SPAG9: variants seen among roughly 807,000 people sequenced by gnomAD.
SPAG9 encodes the protein C-Jun-amino-terminal kinase-interacting protein 4.
In SPAG9, 35 loss-of-function variants were observed where a neutral mutation model predicts 166.5. The observed-to-expected ratio is 0.21, with a 90% CI of 0.16 to 0.28. The LOEUF is 0.28. Ranked by LOEUF, SPAG9 falls within the 10% of genes least tolerant of loss-of-function variation. The pLI is 1.00. For missense variants in SPAG9, 1,235 were observed against 1,603.3 expected, an observed-to-expected ratio of 0.77 and a Z score of 3.92; for synonymous variants, 534 against 565.5, an observed-to-expected ratio of 0.94 and a Z score of 0.79.
At chr17:51,073,961 G>A (rs974182204) in intron 2 of SPAG9, among the ~76,000 whole-genome samples, 8 of 152,192 alleles carry the variant, frequency 5.3e-5, no homozygotes, top group Non-Finnish European at 1.0e-4. Context: ...ATTAGGCCGG[G>A]CGTGGTGGCT....
At chr17:51,053,647 TG>T (rs1347832026) in intron 3 of SPAG9, among the ~76,000 whole-genome samples, 6 of 150,414 alleles carry the variant, frequency 4.0e-5, no homozygotes, top group African/African-American at 1.2e-4. Context: ...ATCAAGCCAC[TG>T]CACTCCAGCC....
At chr17:51,029,658 GTC>G (rs1218005842) in intron 6 of SPAG9, among the ~76,000 whole-genome samples, 1 of 152,178 alleles carries the variant, frequency 6.6e-6, no homozygotes, top group Non-Finnish European at 1.5e-5. Flanking sequence ...AAATAAGCCA[GTC>G]TCAAAAAGAC....
Position 50,999,652 on chromosome 17 carries a change from A to T in SPAG9, c.1664+9T>A. ...GTGCTGTCTAACATCTTTGTTTTTC[A>T]ATACTTACAACTGCCAAATGCTTGA... On this transcript the variant is annotated intron_variant, in intron 14 of 29. Coordinates refer to ENST00000262013, the MANE Select transcript of SPAG9 (RefSeq NM_001130528.3). 1.9e-6 allele frequency: 3 copies of T among 1,609,454 alleles called. No homozygotes were observed. In the South Asian group the frequency reaches 3.3e-5, roughly 18 times the overall value.
intron 10 of SPAG9, 136 bp downstream of exon 10, chr17:51,007,133 G>GTGTGTGTGTGTGTT: frequency 1.9e-6 from 1 of 533,154 alleles, no homozygotes; most frequent in Non-Finnish European, 3.3e-6. Context: ...GTGTGTGTGT[G>GTGTGTGTGTGTGTT]TGTGTGCACA....
intron 18 of SPAG9, among the ~76,000 whole-genome samples, chr17:50,994,558 C>G: frequency 6.6e-6 from 1 of 152,148 alleles, no homozygotes; most frequent in East Asian, 1.9e-4. Context: ...TGAGACTAGC[C>G]TGGTCAACAC....
intron 1 of SPAG9, among the ~76,000 whole-genome samples, chr17:51,116,712 TG>T (rs1247785264): frequency 6.6e-6 from 1 of 152,180 alleles, no homozygotes; most frequent in Non-Finnish European, 1.5e-5. Flanking sequence ...TGCAGTGAAC[TG>T]TGACTGTGCC....
intron 4 of SPAG9, chr17:51,046,361 A>T (rs2047020941): frequency 1.6e-6 from 1 of 630,398 alleles, no homozygotes; most frequent in Admixed American, 2.9e-5. Flanking sequence ...AATTACTATA[A>T]ATTAGAATCA....
intron 3 of SPAG9, among the ~76,000 whole-genome samples, chr17:51,054,116 CTT>C (rs1157639358): frequency 9.2e-4 from 68 of 73,956 alleles, no homozygotes; most frequent in Admixed American, 1.7e-3. Flanking sequence ...AATGTGAGGG[CTT>C]TTTTTTTTTT....
rs113889197 is a variant in SPAG9, at chr17:51,006,470, GAGA to G, written c.1272-236_1272-234del. Among the ~76,000 whole-genome samples the G allele has an allele frequency of 5.6e-3, 851 of 152,278 alleles. 4 individuals carry two copies. The highest frequency in any genetic ancestry group is 0.019 in the African/African-American group (784 of 41,546). On this transcript the variant is annotated intron_variant, in intron 10 of 29. Coordinates refer to ENST00000262013, the MANE Select transcript of SPAG9 (RefSeq NM_001130528.3). ...GACAGATCATCAATTACTAAAAAGTGAGAAGATTAAATTTTAAAAATAGCATTC... is the reference window on the plus strand; with the variant it reads ...GACAGATCATCAATTACTAAAAAGTGAGATTAAATTTTAAAAATAGCATTC...
intron 14 of SPAG9, chr17:50,999,403 G>T (rs1414899208): frequency 3.4e-6 from 4 of 1,193,026 alleles, no homozygotes; most frequent in Non-Finnish European, 3.4e-6. Flanking sequence ...TTTGGCAGAG[G>T]ATTGCAACAA....
At chr17:51,028,066 C>CAA (rs375023734) in intron 6 of SPAG9, among the ~76,000 whole-genome samples, 2 of 88,420 alleles carry the variant, frequency 2.3e-5, no homozygotes, top group African/African-American at 7.5e-5. Context: ...GTTTAAAAAG[C>CAA]AAAAAAAAAA....
chr17:50,989,876 C>T lies in SPAG9; in HGVS notation c.2618-4G>A. On this transcript the variant is annotated splice_region_variant and splice_polypyrimidine_tract_variant and intron_variant, in intron 20 of 29. Transcript: ENST00000262013. ...TCACTATTTTCTGCTTCCATTTCTA[C>T]AAAGTAAATAAAACACTATTCCAAG... 6.2e-7 allele frequency: 1 copy of T among 1,613,460 alleles called. No homozygotes were observed. The highest frequency in any genetic ancestry group is 8.5e-7 in the Non-Finnish European group (1 of 1,179,378).
intron 20 of SPAG9, 139 bp from the exon 21 acceptor site, chr17:50,990,011 C>A (rs1975396802): frequency 4.0e-6 from 3 of 755,192 alleles, no homozygotes; most frequent in Non-Finnish European, 6.5e-6. Context: ...TTCTTCATTC[C>A]ATTTAACAGT....
chr17:51,111,786 A>G (rs901223928), intron 1 of SPAG9, among the ~76,000 whole-genome samples: 4 of 152,022 alleles, frequency 2.6e-5, no homozygotes, highest in Non-Finnish European at 5.9e-5. Context: ...TATTTTTAGT[A>G]GAGACGGGGT....
chr17:51,061,537 G>C (rs1262926018), intron 2 of SPAG9, among the ~76,000 whole-genome samples: 2 of 149,032 alleles, frequency 1.3e-5, no homozygotes, highest in Non-Finnish European at 3.0e-5. Flanking sequence ...TTTAACCTGG[G>C]AGGTGGAGGT....
Position 51,074,272 on chromosome 17 carries a change from A to G in SPAG9, c.424+5312T>C, listed in dbSNP as rs1489166890. Among the ~76,000 whole-genome samples, 3 of 151,872 alleles carry G rather than the reference A, an allele frequency of 2.0e-5. No individual in the cohort carries two copies. The East Asian group carries it at 5.8e-4, about 29-fold the overall frequency. On this transcript the variant is annotated intron_variant, in intron 2 of 29. Transcript: ENST00000262013. The stretch of plus-strand genomic sequence containing the variant: ...AACAAAACAAAACAAAAAAAACACA[A>G]AAATTAGCCAAGCATGGTGGTGCAC...
chr17:50,976,017 C>T, intron 27 of SPAG9: 1 of 763,220 alleles, frequency 1.3e-6, no homozygotes, highest in Non-Finnish European at 2.2e-6. Flanking sequence ...CTCAAAGCCC[C>T]TAACGAAAAT....
intron 1 of SPAG9, among the ~76,000 whole-genome samples, chr17:51,098,234 C>T (rs559416822): frequency 3.3e-5 from 5 of 152,190 alleles, no homozygotes; most frequent in African/African-American, 1.2e-4. Context: ...ATCTCACACA[C>T]CTGCATGAAC....
chr17:51,072,044 G>A (rs1568060780), intron 2 of SPAG9, among the ~76,000 whole-genome samples: 1 of 152,038 alleles, frequency 6.6e-6, no homozygotes, highest in African/African-American at 2.4e-5. Flanking sequence ...TTAAATGTTG[G>A]GTTACATTTA....
Sources: allele counts gnomAD v4.1 joint callset (sites outside exome capture counted in the v4.1 genomes callset), GRCh38; gene constraint gnomAD v4.1.1; transcripts MANE v1.5; gene names NCBI Gene and HGNC (gene_info 2026-07-23, HGNC 2026-07-21).